The following SAMSN1 variants were observed in gnomAD, a reference collection of about 807,000 sequenced individuals.
The protein encoded by SAMSN1 is SAM domain-containing protein SAMSN-1.
Under a neutral mutation model 42.0 loss-of-function variants are expected in SAMSN1, and 31 were observed. The ratio of observed to expected loss-of-function variants is 0.74; its 90% CI spans 0.55 to 1.00. SAMSN1 has a LOEUF of 1.00. Among genes scored for constraint, SAMSN1 ranks in the 50% least tolerant of loss-of-function variants. The pLI, the probability that SAMSN1 is intolerant of heterozygous loss-of-function variation, is 0.00. For missense variants in SAMSN1, 464 were observed against 439.4 expected (o/e 1.06, Z -0.50); for synonymous variants, 178 against 151.9 (o/e 1.17, Z -1.26).
chr21:14,623,860 G>A (rs1005286553), intron 2 of SAMSN1, among the ~76,000 whole-genome samples: 2 of 152,052 alleles, frequency 1.3e-5, no homozygotes, highest in Non-Finnish European at 2.9e-5. Context: ...TTCCAAAACT[G>A]ACCACATAGT....
At chr21:14,626,793 T>C (rs1033524555) in intron 2 of SAMSN1, among the ~76,000 whole-genome samples, 10 of 152,272 alleles carry the variant, frequency 6.6e-5, no homozygotes, top group South Asian at 6.2e-4. Context: ...ACCCAAAGGA[T>C]TATAAATCAT....
At chr21:14,614,047 A>G (rs1982772883) in intron 3 of SAMSN1, among the ~76,000 whole-genome samples, 1 of 152,148 alleles carries the variant, frequency 6.6e-6, no homozygotes, top group Admixed American at 6.5e-5. Context: ...AATCCAGCTG[A>G]GCTTTTTGGA....
At chr21:14,605,999 G>T (rs1330392572) in intron 5 of SAMSN1, among the ~76,000 whole-genome samples, 2 of 151,514 alleles carry the variant, frequency 1.3e-5, no homozygotes, top group Non-Finnish European at 2.9e-5. Flanking sequence ...CCGCCACCAC[G>T]CCCGGCTAAT....
At chr21:14,571,623 T>TA (rs1185574303) in intron 2 of SAMSN1, among the ~76,000 whole-genome samples, 1 of 152,146 alleles carries the variant, frequency 6.6e-6, no homozygotes, top group African/African-American at 2.4e-5. Context: ...GACTTTGAAA[T>TA]AAAATATCAT....
At chr21:14,596,291 T>C (rs1019817585) in intron 6 of SAMSN1, among the ~76,000 whole-genome samples, 5 of 152,056 alleles carry the variant, frequency 3.3e-5, no homozygotes, top group African/African-American at 2.4e-5. Flanking sequence ...GGAGATTAGA[T>C]TTTTTTTCAA....
At position 14,500,609 on chromosome 21, in the gene SAMSN1, T is replaced by C. The variant is rs1568768671; in HGVS notation, c.688A>G (p.Lys230Glu). 2 of 1,614,182 alleles carry C rather than the reference T, an allele frequency of 1.2e-6. No homozygotes were observed. Among genetic ancestry groups the C allele is most frequent in the Non-Finnish European group, 1.7e-6 (2 of 1,180,012 alleles). ...DVISEEEAAP[K>E]KIKANRRSNS... ...CTCCTTCGGTTTGCCTTTATTTTCT[T>C]GGGGGCTGCTTCCTCTTCTGAGATG... Residue 230 changes from lysine (K) to glutamate (E), a missense_variant, in exon 6 of 8, where the codon AAG (lysine) becomes GAG (glutamate). Transcript: ENST00000400566.
At chr21:14,658,783 TC>T (rs989542293) in exon 1 of SAMSN1, 8 of 715,432 alleles carry the variant, frequency 1.1e-5, no homozygotes, top group Non-Finnish European at 2.1e-5. Context: ...TTGACCAGCT[TC>T]ACTCTCTTGT....
intron 2 of SAMSN1, among the ~76,000 whole-genome samples, chr21:14,628,296 CA>C (rs1199696444): frequency 6.6e-6 from 1 of 151,676 alleles, no homozygotes; most frequent in Non-Finnish European, 1.5e-5. Context: ...GTTACCAACC[CA>C]AAGAAATGAT....
At chr21:14,515,431 C>G (rs1987871321) in intron 3 of SAMSN1, among the ~76,000 whole-genome samples, 1 of 151,874 alleles carries the variant, frequency 6.6e-6, no homozygotes, top group African/African-American at 2.4e-5. Context: ...AGTGTAAGGA[C>G]AACTATATAT....
chr21:14,606,648 A>G (rs1327397671), intron 5 of SAMSN1, among the ~76,000 whole-genome samples: 1 of 152,148 alleles, frequency 6.6e-6, no homozygotes, highest in Non-Finnish European at 1.5e-5. Context: ...TTCTCCTCAC[A>G]CCTAAGCTAT....
chr21:14,633,312 C>G (rs1342092968), intron 2 of SAMSN1, among the ~76,000 whole-genome samples: 1 of 152,160 alleles, frequency 6.6e-6, no homozygotes, highest in Non-Finnish European at 1.5e-5. Context: ...ATTTTGCCTT[C>G]TGCACTACCA....
intron 2 of SAMSN1, among the ~76,000 whole-genome samples, chr21:14,578,680 C>CAAAAAAAAAAAA (rs769354531): frequency 3.1e-5 from 2 of 63,694 alleles, no homozygotes; most frequent in African/African-American, 6.1e-5. Context: ...GAGAATCCAT[C>CAAAAAAAAAAAA]AAAAAAAAAA....
At chr21:14,604,772 C>G (rs1231299687) in intron 5 of SAMSN1, among the ~76,000 whole-genome samples, 1 of 152,186 alleles carries the variant, frequency 6.6e-6, no homozygotes, top group African/African-American at 2.4e-5. Flanking sequence ...CGGGCCTAAC[C>G]TAGACTAGTT....
intron 2 of SAMSN1, among the ~76,000 whole-genome samples, chr21:14,577,238 G>A (rs10593667): frequency 0.29 from 7,872 of 27,562 alleles, 1,041 homozygotes; most frequent in East Asian, 0.46. Flanking sequence ...ATATATGTGT[G>A]TATATATATA....
chr21:14,634,536 C>T (rs1266592476), intron 2 of SAMSN1, among the ~76,000 whole-genome samples: 1 of 152,090 alleles, frequency 6.6e-6, no homozygotes, highest in Non-Finnish European at 1.5e-5. Context: ...CAAAAGAAGA[C>T]ATTTATGCAG....
chr21:14,585,190 A>T (rs189560034), upstream of SAMSN1, among the ~76,000 whole-genome samples: 36 of 152,138 alleles, frequency 2.4e-4, no homozygotes, highest in Admixed American at 4.6e-4. Flanking sequence ...TTTTTGTATT[A>T]TTTCTCAGTG....
intron 5 of SAMSN1, among the ~76,000 whole-genome samples, chr21:14,502,148 T>A (rs1406098138): frequency 6.6e-6 from 1 of 152,224 alleles, no homozygotes; most frequent in Admixed American, 6.5e-5. Context: ...AGAATGTGTG[T>A]TCTTCCATCT....
chr21:14,555,202 A>G (rs552344728), intron 2 of SAMSN1, among the ~76,000 whole-genome samples: 2 of 152,238 alleles, frequency 1.3e-5, no homozygotes, highest in East Asian at 3.9e-4. Context: ...CTCCTTGTCT[A>G]CAACTTCTGA....
At chr21:14,602,508 G>C (rs1982463162) in intron 5 of SAMSN1, among the ~76,000 whole-genome samples, 2 of 152,076 alleles carry the variant, frequency 1.3e-5, no homozygotes, top group Admixed American at 6.5e-5. Flanking sequence ...ATTAGCTTAG[G>C]TCTTCTCAAC....
Sources: allele counts gnomAD v4.1 joint callset (sites outside exome capture counted in the v4.1 genomes callset), GRCh38; gene constraint gnomAD v4.1.1; transcripts MANE v1.5; gene names NCBI Gene and HGNC (gene_info 2026-07-23, HGNC 2026-07-21).